Variants in SYNE2 observed in about 807,000 individuals in gnomAD.
SYNE2 encodes spectrin repeat containing nuclear envelope protein 2.
In SYNE2, 431 loss-of-function variants were observed where a neutral mutation model predicts 856.3. That is an observed-to-expected ratio of 0.50 (90% CI 0.47 to 0.55). The LOEUF is 0.55. Ranked by LOEUF, SYNE2 falls within the 20% of genes least tolerant of loss-of-function variation. The pLI, the probability that SYNE2 is intolerant of heterozygous loss-of-function variation, is 0.00. For synonymous variants in SYNE2, 2,923 were observed against 2,872.3 expected, an observed-to-expected ratio of 1.02 and a Z score of -0.56; for missense variants, 8,129 against 8,023.2, an observed-to-expected ratio of 1.01 and a Z score of -0.50.
rs1469464355 is a variant in SYNE2, at chr14:64,022,835, G to A, written c.5609G>A (p.Ser1870Asn). 6.2e-7 allele frequency: 1 copy of A among 1,608,576 alleles called. No individual in the cohort carries two copies. The highest frequency in any genetic ancestry group is 8.5e-7 in the Non-Finnish European group (1 of 1,175,586). ...ECFESSETKK[S>N]VEQKLQKLSD... ...TTTGAATCATCAGAAACAAAAAAGAGTGTGGAACAAAAGCTACAAAAACTT... is the reference window on the plus strand; with the variant it reads ...TTTGAATCATCAGAAACAAAAAAGAATGTGGAACAAAAGCTACAAAAACTT... The change falls in exon 38 of 116, where the codon AGT (serine) becomes AAT (asparagine). Residue 1870 changes from serine to asparagine, a missense_variant. Coordinates refer to ENST00000555002, the MANE Select transcript of SYNE2 (RefSeq NM_182914.3).
intron 1 of SYNE2, among the ~76,000 whole-genome samples, chr14:63,785,736 G>A (rs910311400): frequency 6.6e-6 from 1 of 152,164 alleles, no homozygotes; most frequent in Non-Finnish European, 1.5e-5. Context: ...TGAAGCTTTA[G>A]TGAAGCTTTT....
At chr14:63,940,425 T>A (rs1595762645) in intron 2 of SYNE2, among the ~76,000 whole-genome samples, 189 bp from the exon 3 acceptor site, 1 of 151,788 alleles carries the variant, frequency 6.6e-6, no homozygotes, top group African/African-American at 2.4e-5. Flanking sequence ...TTTAAAAAAA[T>A]ATCGTATCAA....
At chr14:64,173,816 A>G in intron 94 of SYNE2, 1 of 566,136 alleles carries the variant, frequency 1.8e-6, no homozygotes, top group Non-Finnish European at 3.1e-6. Flanking sequence ...CTCTAAAACC[A>G]AATGCCTTTG....
rs779453887 is a variant in SYNE2 at position 64,002,948 on chromosome 14, G to T, written c.4015G>T (p.Ala1339Ser). 1 of 1,614,194 alleles carries T rather than the reference G, an allele frequency of 6.2e-7. No individual in the cohort carries two copies. Among genetic ancestry groups the T allele is most frequent in the Non-Finnish European group, 8.5e-7 (1 of 1,180,036 alleles). The change falls in exon 30 of 116, where the codon GCT becomes TCT. Residue 1339 changes from alanine to serine, a missense_variant. By Grantham distance (99) the Ala-to-Ser change is moderately conservative. This residue lies in a region of SYNE2 where 2,422 missense variants were observed against 2,357.4 expected (regional missense o/e 1.03). Coordinates refer to ENST00000555002, the MANE Select transcript of SYNE2 (RefSeq NM_182914.3). ...LASLRTAKLS[A>S]EPVTDLSASD... ...GTCTCTCAGAACAGCTAAACTCTCT[G>T]CTGAGCCCGTTACAGACCTTTCAGC...
At chr14:64,141,806 G>A (rs1451282862) in intron 81 of SYNE2, 136 bp from the exon 82 acceptor site, 9 of 1,168,684 alleles carry the variant, frequency 7.7e-6, no homozygotes, top group Non-Finnish European at 1.1e-5. Context: ...TTTGAATGCT[G>A]GGTTTGTTTT....
Position 63,995,138 on chromosome 14 carries a change from A to G in SYNE2, c.2876A>G (p.Gln959Arg). ...LSDNILKLEK[Q>R]INKEKKLIRR... is the part of the protein sequence containing the mutation. The stretch of plus-strand genomic sequence containing the variant: ...GACAATATTTTAAAACTTGAAAAGC[A>G]AATAAATAAAGAAAAGAAACTTATC... The change falls in exon 23 of 116, where the codon CAA (glutamine) becomes CGA (arginine). Residue 959 changes from glutamine to arginine, a missense_variant. Physicochemically the swap from Gln to Arg is conservative, Grantham distance 43. This residue lies in a region of SYNE2 where 2,422 missense variants were observed against 2,357.4 expected (regional missense o/e 1.03). Transcript: ENST00000555002. The G allele has an allele frequency of 6.2e-7, 1 of 1,605,074 alleles. No homozygotes were observed. The highest frequency in any genetic ancestry group is 8.5e-7 in the Non-Finnish European group (1 of 1,175,720).
chr14:63,941,969 A>G lies in SYNE2; in HGVS notation c.315+7A>G. ...ATTCCTAAGAAACCGATCAGTAAGT[A>G]TAAATTTTTCTTAAAAATTCACAGG... On this transcript the variant is annotated splice_region_variant and intron_variant, in intron 5 of 115. Transcript: ENST00000555002. 1 of 1,611,314 alleles carries G rather than the reference A, an allele frequency of 6.2e-7. No homozygotes were observed. The highest frequency in any genetic ancestry group is 1.1e-5 in the South Asian group (1 of 91,036).
Position 64,168,055 on chromosome 14 carries a change from T to G in SYNE2, c.16905+416T>G, listed in dbSNP as rs138868539. On this transcript the variant is annotated intron_variant, in intron 92 of 115. Transcript: ENST00000555002. ...AATTTCACAGGAGTTTCCTCAGTGC[T>G]TATGCTGACATGTATTTGAAAATAC... is the stretch of plus-strand genomic sequence containing the variant. Among the ~76,000 whole-genome samples, 438 of 152,360 alleles carry G rather than the reference T, an allele frequency of 2.9e-3. 2 individuals are homozygous for G. Among genetic ancestry groups the G allele is most frequent in the South Asian group, 9.3e-3 (45 of 4,826 alleles).
chr14:63,836,331 T>C (rs377288107), intron 1 of SYNE2, among the ~76,000 whole-genome samples: 32 of 152,298 alleles, frequency 2.1e-4, no homozygotes, highest in African/African-American at 7.2e-4. Context: ...GGCTTGTTTT[T>C]AGAAGTTATG....
At chr14:63,910,005 G>T (rs576692018) in intron 2 of SYNE2, among the ~76,000 whole-genome samples, 1 of 152,128 alleles carries the variant, frequency 6.6e-6, no homozygotes, top group African/African-American at 2.4e-5. Context: ...TATTTTTGTT[G>T]TATTTTGAAA....
chr14:64,093,283 T>C, intron 60 of SYNE2, 66 bp from the exon 61 acceptor site: 1 of 1,588,358 alleles, frequency 6.3e-7, no homozygotes. Flanking sequence ...GGCTAGACAA[T>C]GAAAATAGTC....
chr14:64,065,532 G>A lies in SYNE2; in HGVS notation c.10313G>A (p.Cys3438Tyr), dbSNP rs144108695. ...AGGTGCACAGAAAATGATGGCATAT[G>A]TTTGCTCAAGATTGTGTCGGCTCTG... ...RLRCTENDGI[C>Y]LLKIVSALWE... Residue 3438 changes from cysteine (C) to tyrosine (Y), a missense_variant, in exon 51 of 116, where the codon TGT (cysteine) becomes TAT (tyrosine). Physicochemically the swap from Cys to Tyr is radical, Grantham distance 194. Around this residue, in one of 3 missense-constraint regions of SYNE2, gnomAD observed 5,410 missense variants for 5,284.8 expected, o/e 1.02. Transcript: ENST00000555002. 417 of 1,614,118 alleles carry A rather than the reference G, an allele frequency of 2.6e-4. 5 individuals carry two copies. The African/African-American group carries it at 4.4e-3, about 17-fold the overall frequency.
intron 23 of SYNE2, 141 bp from the exon 24 acceptor site, chr14:63,996,806 T>C (rs2153495534): frequency 1.3e-6 from 1 of 794,904 alleles, no homozygotes; most frequent in Non-Finnish European, 2.1e-6. Flanking sequence ...TTTTTTTCTC[T>C]AGCGCCTATT....
chr14:63,844,916 G>T (rs1281927871), intron 1 of SYNE2, among the ~76,000 whole-genome samples: 2 of 152,056 alleles, frequency 1.3e-5, no homozygotes, highest in African/African-American at 2.4e-5. Flanking sequence ...AAAGGAAAAA[G>T]CTGCAAAACA....
intron 45 of SYNE2, among the ~76,000 whole-genome samples, chr14:64,041,727 G>T (rs1327826867): frequency 2.0e-5 from 3 of 151,978 alleles, no homozygotes; most frequent in Non-Finnish European, 2.9e-5. Context: ...GTGTGTGCCT[G>T]TGGTCCCACC....
intron 2 of SYNE2, among the ~76,000 whole-genome samples, chr14:63,937,436 G>T (rs2095847569): frequency 6.6e-6 from 1 of 152,194 alleles, no homozygotes; most frequent in African/African-American, 2.4e-5. Flanking sequence ...ACAGGGATGG[G>T]ATATAGTGTA....
At chr14:63,983,467 C>T (rs979262883) in intron 17 of SYNE2, among the ~76,000 whole-genome samples, 7 of 152,122 alleles carry the variant, frequency 4.6e-5, no homozygotes, top group Admixed American at 2.0e-4. Flanking sequence ...ACTAGATTTT[C>T]AGCTCATTGA....
At chr14:64,028,693 A>G (rs980387632) in intron 43 of SYNE2, among the ~76,000 whole-genome samples, 4 of 152,202 alleles carry the variant, frequency 2.6e-5, no homozygotes, top group African/African-American at 9.7e-5. Flanking sequence ...AGAATGGGTT[A>G]AGATTTTTCA....
intron 6 of SYNE2, among the ~76,000 whole-genome samples, chr14:63,943,653 TA>T (rs752735196): frequency 5.9e-4 from 84 of 143,184 alleles, no homozygotes; most frequent in African/African-American, 2.0e-3. Flanking sequence ...TATTTATTTT[TA>T]TTTTTTTATT....
Sources: allele counts gnomAD v4.1 joint callset (sites outside exome capture counted in the v4.1 genomes callset), GRCh38; gene constraint gnomAD v4.1.1; regional missense constraint gnomAD v4.1.1; transcripts MANE v1.5; gene names NCBI Gene and HGNC (gene_info 2026-07-23, HGNC 2026-07-21).